The following KCTD8 variants were observed in gnomAD, a reference collection of about 807,000 sequenced individuals.
KCTD8 encodes the protein potassium channel tetramerization domain containing 8, also known as BTB/POZ domain-containing protein KCTD8.
Under a neutral mutation model 31.5 loss-of-function variants are expected in KCTD8, and 27 were observed. That is an observed-to-expected ratio of 0.86 (90% confidence interval 0.63 to 1.18). KCTD8 has a LOEUF of 1.18. Ranked by LOEUF, KCTD8 falls within the 50% of genes most tolerant of loss-of-function variation. The probability of loss-of-function intolerance (pLI) is 0.00; values close to 1 mark genes in which losing one functional copy is unlikely to be tolerated. For synonymous variants in KCTD8, 290 were observed against 280.0 expected, an observed-to-expected ratio of 1.04 and a Z score of -0.36; for missense variants, 658 against 647.7, an observed-to-expected ratio of 1.02 and a Z score of -0.17.
At chr4:44,348,116 A>G (rs912493617) in intron 1 of KCTD8, among the ~76,000 whole-genome samples, 2 of 152,198 alleles carry the variant, frequency 1.3e-5, no homozygotes, top group Non-Finnish European at 2.9e-5. Context: ...CAAGGTAAAG[A>G]CCATAATTAA....
chr4:44,385,192 C>T (rs1291373205), intron 1 of KCTD8, among the ~76,000 whole-genome samples: 1 of 151,564 alleles, frequency 6.6e-6, no homozygotes. Flanking sequence ...ACCCCAATGA[C>T]ATTTTATTCA....
chr4:44,214,654 T>C (rs1478472880), intron 1 of KCTD8, among the ~76,000 whole-genome samples: 1 of 152,174 alleles, frequency 6.6e-6, no homozygotes, highest in African/African-American at 2.4e-5. Context: ...TGACCCCATG[T>C]TGGTTCCAAC....
At chr4:44,403,118 A>G (rs376388824) in intron 1 of KCTD8, among the ~76,000 whole-genome samples, 2 of 152,188 alleles carry the variant, frequency 1.3e-5, no homozygotes, top group East Asian at 1.9e-4. Flanking sequence ...AACTGAAGAT[A>G]TATCTTGTCA....
intron 1 of KCTD8, among the ~76,000 whole-genome samples, chr4:44,214,053 C>T (rs537424450): frequency 1.3e-5 from 2 of 152,254 alleles, no homozygotes; most frequent in South Asian, 4.1e-4. Context: ...CATTTCTTCC[C>T]TTCACCTTCC....
chr4:44,179,323 T>G (rs367725335), intron 1 of KCTD8, among the ~76,000 whole-genome samples: 81 of 151,952 alleles, frequency 5.3e-4, no homozygotes, highest in African/African-American at 1.9e-3. Flanking sequence ...ATACAGTGTT[T>G]GAAATGCTTG....
At chr4:44,338,495 C>A (rs532725187) in intron 1 of KCTD8, among the ~76,000 whole-genome samples, 3 of 152,104 alleles carry the variant, frequency 2.0e-5, no homozygotes, top group African/African-American at 4.8e-5. Flanking sequence ...TTTGTCTCTA[C>A]GAAAACTGCA....
intron 1 of KCTD8, among the ~76,000 whole-genome samples, chr4:44,430,175 G>T (rs1030973871): frequency 1.3e-5 from 2 of 151,748 alleles, no homozygotes; most frequent in African/African-American, 4.8e-5. Context: ...GAAATAAACT[G>T]CTCTCTTGGG....
Position 44,448,414 on chromosome 4 carries a change from C to A in KCTD8, c.110G>T (p.Cys37Phe). 2 of 1,572,278 alleles carry A rather than the reference C, an allele frequency of 1.3e-6. No homozygotes were observed. The highest frequency in any genetic ancestry group is 1.7e-6 in the Non-Finnish European group (2 of 1,164,592). ...TACTTCAGGGAAGGGCGAGGGTGCGCAGGGCCCCGGGGCGGCGGCGGCCGA... is the reference window on the plus strand; with the variant it reads ...TACTTCAGGGAAGGGCGAGGGTGCGAAGGGCCCCGGGGCGGCGGCGGCCGA... ...GASAAAAPGP[C>F]APSPFPEVVE... is the part of the protein sequence containing the mutation. The change falls in exon 1 of 2, where the codon TGC becomes TTC. Residue 37 changes from cysteine to phenylalanine, a missense_variant. By Grantham distance (205) the Cys-to-Phe change is radical. Transcript: ENST00000360029. The surrounding 1 kb of genome is among the most constrained non-coding windows in gnomAD (Gnocchi z 4.1).
intron 1 of KCTD8, among the ~76,000 whole-genome samples, chr4:44,389,777 G>A (rs1181617599): frequency 4.0e-5 from 6 of 151,780 alleles, no homozygotes. Context: ...CAAAAATACA[G>A]TTGGCACATG....
intron 1 of KCTD8, among the ~76,000 whole-genome samples, chr4:44,253,084 G>A (rs186611085): frequency 6.6e-6 from 1 of 151,648 alleles, no homozygotes; most frequent in East Asian, 1.9e-4. Context: ...TTCATTATGT[G>A]TTTTGTTTAT....
chr4:44,334,051 G>A (rs904265505), intron 1 of KCTD8, among the ~76,000 whole-genome samples: 1 of 151,936 alleles, frequency 6.6e-6, no homozygotes, highest in African/African-American at 2.4e-5. Flanking sequence ...TAGAAATTAG[G>A]AAACTTATAG....
chr4:44,313,072 T>G (rs1011583442), intron 1 of KCTD8, among the ~76,000 whole-genome samples: 1 of 152,186 alleles, frequency 6.6e-6, no homozygotes, highest in African/African-American at 2.4e-5. Context: ...GTAGGTAACT[T>G]TCCTGGAACA....
chr4:44,214,696 A>T (rs2109345155), intron 1 of KCTD8, among the ~76,000 whole-genome samples: 1 of 152,326 alleles, frequency 6.6e-6, no homozygotes, highest in African/African-American at 2.4e-5. Flanking sequence ...TGCTGTGCAT[A>T]GGCTGAACTA....
At chr4:44,417,200 GC>G (rs916039163) in intron 1 of KCTD8, among the ~76,000 whole-genome samples, 15 of 152,108 alleles carry the variant, frequency 9.9e-5, no homozygotes, top group Admixed American at 9.2e-4. Context: ...CTGGCTTTTC[GC>G]CCTTACAGCA....
intron 1 of KCTD8, among the ~76,000 whole-genome samples, chr4:44,298,832 T>A (rs1405153275): frequency 3.3e-5 from 5 of 152,126 alleles, no homozygotes; most frequent in Non-Finnish European, 2.9e-5. Context: ...AGAAGTTAGA[T>A]ATAAAATATT....
At chr4:44,198,913 T>C (rs571901056) in intron 1 of KCTD8, among the ~76,000 whole-genome samples, 1 of 152,114 alleles carries the variant, frequency 6.6e-6, no homozygotes, top group South Asian at 2.1e-4. Context: ...AAAAAACCCA[T>C]CTCACATGTA....
chr4:44,192,875 C>T (rs965385546), intron 1 of KCTD8, among the ~76,000 whole-genome samples: 10 of 152,304 alleles, frequency 6.6e-5, no homozygotes, highest in East Asian at 1.9e-4. Context: ...TCCCAGCCTA[C>T]GTCTTTCTTC....
chr4:44,235,219 G>A (rs115480237), intron 1 of KCTD8, among the ~76,000 whole-genome samples: 5,244 of 146,860 alleles, frequency 0.036, 153 homozygotes, highest in Non-Finnish European at 0.047. Flanking sequence ...ATAGACAATA[G>A]CTCATCCAAC....
chr4:44,287,243 C>T (rs978091302), intron 1 of KCTD8, among the ~76,000 whole-genome samples: 1 of 151,922 alleles, frequency 6.6e-6, no homozygotes, highest in African/African-American at 2.4e-5. Context: ...AATAGCGAAA[C>T]CTTATCTCAA....
Sources: allele counts gnomAD v4.1 joint callset (sites outside exome capture counted in the v4.1 genomes callset), GRCh38; gene constraint gnomAD v4.1.1; non-coding constraint Gnocchi (gnomAD v3.1); transcripts MANE v1.5; gene names NCBI Gene and HGNC (gene_info 2026-07-23, HGNC 2026-07-21).